The following PPARGC1A variants were observed in gnomAD, a reference collection of about 807,000 sequenced individuals.
The protein encoded by PPARGC1A is PPARG coactivator 1 alpha.
In PPARGC1A, 25 loss-of-function variants were observed where a neutral mutation model predicts 88.7. The observed-to-expected ratio is 0.28, with a 90% CI of 0.21 to 0.39. PPARGC1A has a LOEUF of 0.39. PPARGC1A is among the 10% of genes least tolerant of loss of function. The probability of loss-of-function intolerance (pLI) is 1.00; values close to 1 mark genes in which losing one functional copy is unlikely to be tolerated. For synonymous variants in PPARGC1A, 363 were observed against 355.6 expected (o/e 1.02, Z -0.24); for missense variants, 880 against 968.7 (o/e 0.91, Z 1.22).
chr4:23,850,493 A>C (rs1433578473), intron 2 of PPARGC1A, among the ~76,000 whole-genome samples: 1 of 152,240 alleles, frequency 6.6e-6, no homozygotes, highest in Non-Finnish European at 1.5e-5. Flanking sequence ...AGTAAAGTAC[A>C]GCCTTCTTTC....
chr4:24,464,930 C>T, the PPARGC1A span, among the ~76,000 whole-genome samples: 1 of 152,204 alleles, frequency 6.6e-6, no homozygotes, highest in Admixed American at 6.5e-5. Context: ...TCTGCTTCAG[C>T]AACTACACCG....
chr4:24,314,154 T>C, the PPARGC1A span, among the ~76,000 whole-genome samples: 2 of 152,202 alleles, frequency 1.3e-5, no homozygotes, highest in Non-Finnish European at 2.9e-5. Flanking sequence ...AAATGTGTAA[T>C]ATGGGATGGC....
At chr4:24,052,028 G>A in the PPARGC1A span, among the ~76,000 whole-genome samples, 1 of 117,158 alleles carries the variant, frequency 8.5e-6, no homozygotes, top group Non-Finnish European at 2.1e-5. Flanking sequence ...ATTGAATGAA[G>A]ATAAAGGGTA....
At chr4:23,842,253 T>C (rs376265434) in intron 2 of PPARGC1A, among the ~76,000 whole-genome samples, 169 of 152,264 alleles carry the variant, frequency 1.1e-3, no homozygotes, top group African/African-American at 3.8e-3. Flanking sequence ...TCACTATTTA[T>C]TGCTGGCTGG....
chr4:24,405,085 T>C, the PPARGC1A span, among the ~76,000 whole-genome samples: 1 of 151,988 alleles, frequency 6.6e-6, no homozygotes, highest in African/African-American at 2.4e-5. Context: ...TCAAATAAAA[T>C]AAGTTATTCA....
chr4:23,877,083 A>T (rs1461400172), intron 2 of PPARGC1A, among the ~76,000 whole-genome samples: 1 of 152,300 alleles, frequency 6.6e-6, no homozygotes, highest in African/African-American at 2.4e-5. Flanking sequence ...TTTAGCTTCA[A>T]ACAACTCTGC....
chr4:24,038,036 C>A, the PPARGC1A span, among the ~76,000 whole-genome samples: 2 of 152,156 alleles, frequency 1.3e-5, no homozygotes, highest in African/African-American at 4.8e-5. Flanking sequence ...GCACAATTAG[C>A]CCCACACCAT....
chr4:24,103,066 T>C, the PPARGC1A span, among the ~76,000 whole-genome samples: 2 of 152,262 alleles, frequency 1.3e-5, no homozygotes, highest in South Asian at 2.1e-4. Context: ...GGCTCAAAAA[T>C]GTTGACCAGC....
At chr4:24,248,488 G>GAA in the PPARGC1A span, among the ~76,000 whole-genome samples, 3 of 147,126 alleles carry the variant, frequency 2.0e-5, no homozygotes, top group Non-Finnish European at 3.0e-5. Flanking sequence ...ACCACCTCTG[G>GAA]AAAAAAAAAA....
chr4:24,210,744 G>A, the PPARGC1A span, among the ~76,000 whole-genome samples: 1 of 152,140 alleles, frequency 6.6e-6, no homozygotes, highest in African/African-American at 2.4e-5. Flanking sequence ...TTCCAAGTGC[G>A]TATTTTTAAA....
chr4:24,375,507 C>A, the PPARGC1A span, among the ~76,000 whole-genome samples: 1 of 152,146 alleles, frequency 6.6e-6, no homozygotes, highest in African/African-American at 2.4e-5. Flanking sequence ...CTAGTTGAAG[C>A]AAGAATCATG....
the PPARGC1A span, among the ~76,000 whole-genome samples, chr4:24,306,471 G>T: frequency 1.3e-5 from 2 of 152,114 alleles, no homozygotes; most frequent in Non-Finnish European, 2.9e-5. Context: ...ATTATGACTG[G>T]GTCATAGGTT....
chr4:24,415,121 TA>T, the PPARGC1A span, among the ~76,000 whole-genome samples: 2 of 150,996 alleles, frequency 1.3e-5, no homozygotes, highest in Non-Finnish European at 2.9e-5. Context: ...ACTCCAGAGG[TA>T]GAGGTTGCAG....
the PPARGC1A span, among the ~76,000 whole-genome samples, chr4:23,987,686 C>T: frequency 4.6e-5 from 7 of 152,028 alleles, no homozygotes; most frequent in South Asian, 4.1e-4. Flanking sequence ...ATGTTACCTC[C>T]GACCTGTCTC....
chr4:24,334,108 T>C, the PPARGC1A span, among the ~76,000 whole-genome samples: 12 of 152,018 alleles, frequency 7.9e-5, no homozygotes, highest in African/African-American at 2.9e-4. Flanking sequence ...AGTTCTGGGG[T>C]AGTGTCTGGG....
chr4:23,792,070 T>C lies in PPARGC1A; in HGVS notation c.*3752A>G, dbSNP rs1716730812. ...TTATTAGCTCAGTGAGGCTGATGTG[T>C]ACTGCACATTTAAAAAAAATCACAG... is the stretch of plus-strand genomic sequence containing the variant. On this transcript the variant is annotated 3_prime_UTR_variant, in exon 13 of 13. Coordinates refer to ENST00000264867, the MANE Select transcript of PPARGC1A (RefSeq NM_013261.5). The C allele has an allele frequency of 6.6e-6, 1 of 152,570 alleles. No homozygotes were observed. Among genetic ancestry groups the C allele is most frequent in the Non-Finnish European group, 1.5e-5 (1 of 68,010 alleles). 9.5% of individuals were successfully genotyped at this position (152,570 alleles called of 1,614,324 possible). A position where few individuals can be genotyped will look rare whatever the true frequency, so the allele number is the denominator to read the frequency against.
the PPARGC1A span, among the ~76,000 whole-genome samples, chr4:24,232,285 G>A: frequency 1.6e-4 from 24 of 151,948 alleles, no homozygotes; most frequent in South Asian, 4.0e-3. Context: ...GTAACCCCGC[G>A]AAATCACATC....
At chr4:24,005,150 A>G in the PPARGC1A span, among the ~76,000 whole-genome samples, 1 of 152,178 alleles carries the variant, frequency 6.6e-6, no homozygotes, top group Non-Finnish European at 1.5e-5. Flanking sequence ...AAGCAGCAAT[A>G]AAGGGTCTCG....
chr4:23,948,770 G>C, the PPARGC1A span, among the ~76,000 whole-genome samples: 1 of 152,108 alleles, frequency 6.6e-6, no homozygotes, highest in African/African-American at 2.4e-5. Context: ...TGATCACTCT[G>C]TTTTCATTTC....
Sources: allele counts gnomAD v4.1 joint callset (sites outside exome capture counted in the v4.1 genomes callset), GRCh38; gene constraint gnomAD v4.1.1; transcripts MANE v1.5; gene names NCBI Gene and HGNC (gene_info 2026-07-23, HGNC 2026-07-21).